The following ROBO1 variants were observed in gnomAD, a reference collection of about 807,000 sequenced individuals.
ROBO1 encodes the protein roundabout homolog 1.
A neutral mutation model predicts 195.9 loss-of-function variants in ROBO1; 149 were observed. That is an observed-to-expected ratio of 0.76 (90% confidence interval 0.67 to 0.87). ROBO1 has a LOEUF of 0.87. ROBO1 is among the 40% of genes least tolerant of loss of function. The probability of loss-of-function intolerance (pLI) is 0.00; values close to 1 mark genes in which losing one functional copy is unlikely to be tolerated. For synonymous variants in ROBO1, 816 were observed against 733.2 expected (o/e 1.11, Z -1.82); for missense variants, 1,933 against 2,068.3 (o/e 0.93, Z 1.27).
chr3:78,736,001 T>C (rs2082383614), intron 5 of ROBO1, among the ~76,000 whole-genome samples: 1 of 152,138 alleles, frequency 6.6e-6, no homozygotes, highest in South Asian at 2.1e-4. Context: ...AGATTCTATA[T>C]CAGTATGTCA....
chr3:78,792,271 G>C (rs1405321053), intron 4 of ROBO1, among the ~76,000 whole-genome samples: 2 of 152,214 alleles, frequency 1.3e-5, no homozygotes, highest in Non-Finnish European at 2.9e-5. Flanking sequence ...CTATAAACAA[G>C]ACCAGACAGC....
intron 2 of ROBO1, among the ~76,000 whole-genome samples, chr3:79,436,321 C>T (rs1484660866): frequency 1.3e-5 from 2 of 151,276 alleles, no homozygotes; most frequent in Non-Finnish European, 2.9e-5. Context: ...TATTTTTAGC[C>T]GGCCAATCTG....
intron 2 of ROBO1, among the ~76,000 whole-genome samples, chr3:79,541,331 C>T (rs989361524): frequency 6.6e-6 from 1 of 152,052 alleles, no homozygotes; most frequent in East Asian, 1.9e-4. Context: ...GTTTCTGCTA[C>T]TGACTTTTAT....
At chr3:79,738,419 T>C (rs138375943) in intron 1 of ROBO1, among the ~76,000 whole-genome samples, 1 of 152,188 alleles carries the variant, frequency 6.6e-6, no homozygotes, top group African/African-American at 2.4e-5. Context: ...ATTCCCTCCA[T>C]CTTGGCCAGC....
intron 4 of ROBO1, among the ~76,000 whole-genome samples, chr3:78,819,307 A>T (rs1210443560): frequency 6.6e-6 from 1 of 151,924 alleles, no homozygotes; most frequent in African/African-American, 2.4e-5. Flanking sequence ...GTTTATCTTT[A>T]ATTACCCCAA....
At chr3:79,632,486 A>G (rs963166735) in intron 1 of ROBO1, among the ~76,000 whole-genome samples, 1 of 152,162 alleles carries the variant, frequency 6.6e-6, no homozygotes, top group African/African-American at 2.4e-5. Flanking sequence ...AGTAGAAGGT[A>G]GGAGGGTAGT....
At chr3:79,223,307 G>A (rs759721180) in intron 2 of ROBO1, among the ~76,000 whole-genome samples, 12 of 152,032 alleles carry the variant, frequency 7.9e-5, no homozygotes, top group Admixed American at 1.3e-4. Flanking sequence ...ATAAATCTAC[G>A]TTCCCCTCTT....
intron 4 of ROBO1, among the ~76,000 whole-genome samples, chr3:78,772,741 C>G (rs990698472): frequency 3.9e-5 from 6 of 151,954 alleles, no homozygotes; most frequent in Admixed American, 3.9e-4. Flanking sequence ...TAGGTAAAAA[C>G]CTGACATTTA....
chr3:78,783,118 A>G (rs765602718), intron 4 of ROBO1, among the ~76,000 whole-genome samples: 1 of 152,148 alleles, frequency 6.6e-6, no homozygotes, highest in Non-Finnish European at 1.5e-5. Flanking sequence ...GTTAAGGGGT[A>G]CAAGTGTAAT....
At chr3:79,157,188 G>A (rs2080874230) in intron 2 of ROBO1, among the ~76,000 whole-genome samples, 1 of 151,848 alleles carries the variant, frequency 6.6e-6, no homozygotes, top group Non-Finnish European at 1.5e-5. Flanking sequence ...CTGGGGAAAT[G>A]TTTGGGGGGC....
intron 8 of ROBO1, among the ~76,000 whole-genome samples, chr3:78,712,575 T>C (rs1559775835): frequency 6.6e-6 from 1 of 152,230 alleles, no homozygotes; most frequent in Non-Finnish European, 1.5e-5. Flanking sequence ...GTGATGTTAA[T>C]AGGCATATTT....
chr3:79,323,427 A>G (rs1020412432), intron 2 of ROBO1, among the ~76,000 whole-genome samples: 1 of 152,146 alleles, frequency 6.6e-6, no homozygotes, highest in African/African-American at 2.4e-5. Flanking sequence ...TTGAGGTGAT[A>G]TATCTGCACT....
At chr3:79,655,584 C>G (rs991170909) in intron 1 of ROBO1, among the ~76,000 whole-genome samples, 4 of 152,002 alleles carry the variant, frequency 2.6e-5, no homozygotes, top group Non-Finnish European at 5.9e-5. Context: ...AATCAAGGAA[C>G]AATGACTAGC....
intron 2 of ROBO1, among the ~76,000 whole-genome samples, chr3:79,581,059 C>A (rs1943644776): frequency 1.3e-5 from 2 of 152,058 alleles, no homozygotes; most frequent in Non-Finnish European, 2.9e-5. Flanking sequence ...TGAAAGCTCA[C>A]TAGGAAATAT....
At chr3:79,612,276 G>A (rs1303709758) in intron 1 of ROBO1, among the ~76,000 whole-genome samples, 81 of 148,268 alleles carry the variant, frequency 5.5e-4, no homozygotes, top group Admixed American at 2.2e-3. Context: ...GAGAATATGC[G>A]GTGTTTGGTT....
At chr3:78,878,603 A>C (rs1339465553) in intron 4 of ROBO1, among the ~76,000 whole-genome samples, 1 of 151,196 alleles carries the variant, frequency 6.6e-6, no homozygotes, top group Non-Finnish European at 1.5e-5. Context: ...AAAAAAAAAA[A>C]AAAAACTGCA....
chr3:79,109,907 A>G (rs1415782181), intron 3 of ROBO1, among the ~76,000 whole-genome samples: 1 of 152,120 alleles, frequency 6.6e-6, no homozygotes, highest in East Asian at 1.9e-4. Context: ...ATAAGTAACT[A>G]TGGGTTAATT....
At chr3:79,625,774 G>C (rs1050832347) in intron 1 of ROBO1, among the ~76,000 whole-genome samples, 1 of 152,084 alleles carries the variant, frequency 6.6e-6, no homozygotes, top group Non-Finnish European at 1.5e-5. Flanking sequence ...AATTCTACCA[G>C]AGGTACAAGG....
chr3:78,682,423 A>G (rs1438578711), intron 10 of ROBO1, among the ~76,000 whole-genome samples: 2 of 149,816 alleles, frequency 1.3e-5, no homozygotes, highest in African/African-American at 4.9e-5. Context: ...ACACACAAAT[A>G]TATATATTTT....
Sources: gnomAD v4.1 joint callset for allele counts (sites outside exome capture counted in the v4.1 genomes callset) on GRCh38, gnomAD v4.1.1 for gene constraint, MANE v1.5 for transcripts, NCBI Gene and HGNC (gene_info 2026-07-23, HGNC 2026-07-21) for gene names.